RNF2: variants seen among roughly 807,000 people sequenced by gnomAD.
RNF2 encodes the protein ring finger protein 2, also known as E3 ubiquitin-protein ligase RING2.
RNF2 carries 6 observed loss-of-function variants against 37.2 expected under a neutral mutation model. The observed-to-expected ratio is 0.16, with a 90% CI of 0.09 to 0.32. The LOEUF (loss-of-function observed/expected upper bound fraction) is 0.32. Ranked by LOEUF, RNF2 falls within the 10% of genes least tolerant of loss-of-function variation. The probability of loss-of-function intolerance (pLI) is 1.00; values close to 1 mark genes in which losing one functional copy is unlikely to be tolerated. For missense variants in RNF2, 251 were observed against 404.0 expected (o/e 0.62, Z 3.25); for synonymous variants, 133 against 132.7 (o/e 1.00, Z -0.02).
At chr1:185,049,479 T>G (rs1650212024) in intron 1 of RNF2, among the ~76,000 whole-genome samples, 1 of 152,242 alleles carries the variant, frequency 6.6e-6, no homozygotes, top group Non-Finnish European at 1.5e-5. Flanking sequence ...GGTTTCACGT[T>G]ATCCTTTATG....
At chr1:185,054,635 C>T (rs983469896) in intron 1 of RNF2, among the ~76,000 whole-genome samples, 1 of 152,208 alleles carries the variant, frequency 6.6e-6, no homozygotes, top group African/African-American at 2.4e-5. Flanking sequence ...AAATAATTGT[C>T]TTTCAAGATT....
At chr1:185,048,478 G>A (rs893665999) in intron 1 of RNF2, among the ~76,000 whole-genome samples, 3 of 152,114 alleles carry the variant, frequency 2.0e-5, no homozygotes, top group Non-Finnish European at 4.4e-5. Context: ...TAACATGTTT[G>A]CCATTTATCA....
At chr1:185,057,443 A>G (rs188813177) in intron 1 of RNF2, among the ~76,000 whole-genome samples, 3 of 152,268 alleles carry the variant, frequency 2.0e-5, no homozygotes, top group Admixed American at 2.0e-4. Context: ...GTTCGTTTAT[A>G]AGTTTTTTTT....
At chr1:185,062,210 G>A (rs1015293352) in intron 1 of RNF2, among the ~76,000 whole-genome samples, 35 of 152,124 alleles carry the variant, frequency 2.3e-4, no homozygotes, top group Non-Finnish European at 7.4e-5. Flanking sequence ...TGTTCTCATT[G>A]CCATGTTCAT....
chr1:185,057,038 G>GT (rs1226784295), intron 1 of RNF2, among the ~76,000 whole-genome samples: 2 of 152,120 alleles, frequency 1.3e-5, no homozygotes, highest in African/African-American at 4.8e-5. Flanking sequence ...GCTGGGTGCG[G>GT]TGGCTCATGC....
rs542722861 is a variant in RNF2, at chr1:185,088,544, G to A, written c.87+904G>A. 1.4e-3 allele frequency among the ~76,000 whole-genome samples: 193 copies of A among 141,120 alleles called. 1 individual carries two copies. Among genetic ancestry groups the A allele is most frequent in the African/African-American group, 4.6e-3 (185 of 40,038 alleles). The allele number at this position is 141,120 out of a possible 152,430, so 92.6% of individuals were successfully genotyped here. A position where few individuals can be genotyped will look rare whatever the true frequency, so the allele number is the denominator to read the frequency against. On this transcript the variant is annotated intron_variant, in intron 2 of 6. Transcript: ENST00000367510. The stretch of plus-strand genomic sequence containing the variant: ...GCACTCCAGCCTGGGCGACAAGAAC[G>A]AAACTCCGTCTCAAAAAAAAAAAAA...
rs1652038718 is a variant in RNF2 at position 185,100,189 on chromosome 1, T to G, written c.910-11T>G. ...CAGTTTTCATAATTTTTTCTTTCTT[T>G]TTTGTTTTAGGTATTAAATGGCTCT... On this transcript the variant is annotated splice_polypyrimidine_tract_variant and intron_variant, in intron 6 of 6. Coordinates refer to ENST00000367510, the MANE Select transcript of RNF2 (RefSeq NM_007212.4). 2 of 1,568,116 alleles carry G rather than the reference T, an allele frequency of 1.3e-6. No homozygotes were observed. Among genetic ancestry groups the G allele is most frequent in the African/African-American group, 1.4e-5 (1 of 72,498 alleles).
At chr1:185,069,456 TAAAAAAAAAA>T (rs768648029) in intron 1 of RNF2, among the ~76,000 whole-genome samples, 4 of 94,176 alleles carry the variant, frequency 4.2e-5, no homozygotes, top group African/African-American at 8.0e-5. Flanking sequence ...AGACCCTGTC[TAAAAAAAAAA>T]AAAAAAAAAG....
In RNF2 at chr1:185,093,268, C is replaced by T. The variant is rs534265538; in HGVS notation, c.456C>T (p.Ala152=). Residue 152 remains alanine (A), a synonymous_variant, in exon 4 of 7, where the codon GCC becomes GCT. Transcript: ENST00000367510. The stretch of plus-strand genomic sequence containing the variant: ...TTGAGGAAGGACTGAAGATACAGGC[C>T]ATGAACAGGTATATGGGAAAGAGGG... The part of the protein sequence containing the change: ...HSIEEGLKIQ[A]MNRLQRGKKQ... 6.2e-7 allele frequency: 1 copy of T among 1,613,446 alleles called. No individual in the cohort carries two copies. The highest frequency in any genetic ancestry group is 1.1e-5 in the South Asian group (1 of 91,044).
At chr1:185,096,054 C>T (rs890372404) in intron 4 of RNF2, among the ~76,000 whole-genome samples, 1 of 152,144 alleles carries the variant, frequency 6.6e-6, no homozygotes, top group Non-Finnish European at 1.5e-5. Flanking sequence ...TCTGTCACAT[C>T]AATCCTTTTT....
At chr1:185,068,131 A>T (rs1408542351) in intron 1 of RNF2, among the ~76,000 whole-genome samples, 1 of 152,102 alleles carries the variant, frequency 6.6e-6, no homozygotes, top group Non-Finnish European at 1.5e-5. Context: ...AGCCTCCTGT[A>T]AAGTGGTTAC....
intron 1 of RNF2, among the ~76,000 whole-genome samples, chr1:185,047,662 G>A (rs1447561194): frequency 6.6e-6 from 1 of 152,092 alleles, no homozygotes; most frequent in Admixed American, 6.6e-5. Context: ...ATATTAAAAC[G>A]CACTTTATTA....
Position 185,091,603 on chromosome 1 carries a change from A to G in RNF2, c.112A>G (p.Ile38Val). Residue 38 changes from isoleucine to valine, a missense_variant, in exon 3 of 7, where the codon ATT becomes GTT. Coordinates refer to ENST00000367510, the MANE Select transcript of RNF2 (RefSeq NM_007212.4). Reference protein sequence around the residue: ...PQEAITDGLEIVVSPRSLHSE... With the variant: ...PQEAITDGLEVVVSPRSLHSE... ...GGAGGCAATAACAGATGGCTTAGAAATTGTGGTTTCACCTCGAAGTCTACA... is the reference window on the plus strand; with the variant it reads ...GGAGGCAATAACAGATGGCTTAGAAGTTGTGGTTTCACCTCGAAGTCTACA... The G allele has an allele frequency of 6.2e-7, 1 of 1,613,278 alleles. No homozygotes were observed. The highest frequency in any genetic ancestry group is 1.1e-5 in the South Asian group (1 of 91,000).
chr1:185,046,613 A>G (rs1485087181), intron 1 of RNF2, among the ~76,000 whole-genome samples: 1 of 152,192 alleles, frequency 6.6e-6, no homozygotes, highest in African/African-American at 2.4e-5. Flanking sequence ...AGAGAATGTA[A>G]CTTTACATTG....
At chr1:185,097,968 A>G (rs1200742886) in intron 4 of RNF2, 104 bp from the exon 5 acceptor site, 6 of 1,197,674 alleles carry the variant, frequency 5.0e-6, no homozygotes, top group Admixed American at 2.2e-5. Context: ...TTCAGTTACC[A>G]GTATTTTTTG....
intron 1 of RNF2, among the ~76,000 whole-genome samples, chr1:185,057,303 A>AAAAT (rs199801845): frequency 3.3e-5 from 5 of 152,106 alleles, no homozygotes; most frequent in East Asian, 1.9e-4. Flanking sequence ...CCTGTTTCAA[A>AAAAT]AAATAAATAA....
At chr1:185,085,028 G>A (rs1651539041) in intron 1 of RNF2, among the ~76,000 whole-genome samples, 1 of 152,034 alleles carries the variant, frequency 6.6e-6, no homozygotes, top group African/African-American at 2.4e-5. Context: ...TGAGTAGCTG[G>A]AACTCAGTGT....
rs567596541 is a variant in RNF2, at chr1:185,055,682, A to C, written c.-3+10033A>C. Among the ~76,000 whole-genome samples the C allele has an allele frequency of 1.6e-4, 25 of 152,244 alleles. No individual in the cohort carries two copies. The South Asian group carries it at 3.7e-3, about 23-fold the overall frequency. ...GTGATCCATCTGCCTTGGCCTTCCGAAGTCTGGGATTACGAGGTGTGAGCC... is the reference window on the plus strand; with the variant it reads ...GTGATCCATCTGCCTTGGCCTTCCGCAGTCTGGGATTACGAGGTGTGAGCC... On this transcript the variant is annotated intron_variant, in intron 1 of 6. Coordinates refer to ENST00000367510, the MANE Select transcript of RNF2 (RefSeq NM_007212.4).
At chr1:185,070,566 ATCC>A (rs1403196874) in intron 1 of RNF2, among the ~76,000 whole-genome samples, 2 of 151,666 alleles carry the variant, frequency 1.3e-5, no homozygotes, top group Non-Finnish European at 2.9e-5. Context: ...AATTAGTATT[ATCC>A]TCAGTTTTTT....
Sources: allele counts gnomAD v4.1 joint callset (sites outside exome capture counted in the v4.1 genomes callset), GRCh38; gene constraint gnomAD v4.1.1; transcripts MANE v1.5; gene names NCBI Gene and HGNC (gene_info 2026-07-23, HGNC 2026-07-21).